The following GAREM1 variants were observed in gnomAD, a reference collection of about 807,000 sequenced individuals.
GAREM1 encodes the protein GRB2-associated and regulator of MAPK protein 1.
In GAREM1, 26 loss-of-function variants were observed where a neutral mutation model predicts 71.3. The observed-to-expected ratio is 0.36, with a 90% confidence interval of 0.27 to 0.51. The LOEUF is 0.51. Ranked by LOEUF, GAREM1 falls within the 20% of genes least tolerant of loss-of-function variation. The pLI is 0.95. For missense variants in GAREM1, 1,026 were observed against 1,103.1 expected (o/e 0.93, Z 0.99); for synonymous variants, 440 against 433.2 (o/e 1.02, Z -0.20).
At chr18:32,270,897 GT>G (rs58914123) in intron 4 of GAREM1, among the ~76,000 whole-genome samples, 17,743 of 91,496 alleles carry the variant, frequency 0.19, 419 homozygotes, top group African/African-American at 0.25. Context: ...GTTCAGGGAT[GT>G]TTTTTTTTTT....
chr18:32,421,832 ACCTTCCCAAG>A (rs1237465471), intron 1 of GAREM1, among the ~76,000 whole-genome samples: 1 of 151,750 alleles, frequency 6.6e-6, no homozygotes, highest in Non-Finnish European at 1.5e-5. Flanking sequence ...TCCACACAAA[ACCTTCCCAAG>A]CTAGACACAA....
At chr18:32,432,126 A>G (rs982743714) in intron 1 of GAREM1, among the ~76,000 whole-genome samples, 10 of 152,190 alleles carry the variant, frequency 6.6e-5, no homozygotes, top group Non-Finnish European at 1.0e-4. Flanking sequence ...ATGAAGGAAG[A>G]ATAATAGAAA....
intron 1 of GAREM1, among the ~76,000 whole-genome samples, chr18:32,404,268 C>T (rs1160788907): frequency 6.6e-6 from 1 of 152,050 alleles, no homozygotes; most frequent in East Asian, 1.9e-4. Context: ...CTATTAAATG[C>T]TTTTTTATTT....
chr18:32,456,820 ATGAG>A (rs1427822015), intron 1 of GAREM1, among the ~76,000 whole-genome samples: 3 of 152,160 alleles, frequency 2.0e-5, no homozygotes, highest in African/African-American at 7.2e-5. Context: ...CAATAAAAGA[ATGAG>A]TATTTTCACA....
intron 1 of GAREM1, among the ~76,000 whole-genome samples, chr18:32,446,068 G>A (rs758809657): frequency 6.6e-6 from 1 of 152,124 alleles, no homozygotes; most frequent in African/African-American, 2.4e-5. Context: ...TGGGGACATT[G>A]AAACAATGAT....
At chr18:32,336,429 CAAA>C (rs35803922) in intron 2 of GAREM1, among the ~76,000 whole-genome samples, 3,047 of 72,782 alleles carry the variant, frequency 0.042, 80 homozygotes, top group African/African-American at 0.11. Flanking sequence ...GACTCCGTCT[CAAA>C]AAAAAAAAAA....
At chr18:32,399,201 T>C (rs1011469923) in intron 1 of GAREM1, among the ~76,000 whole-genome samples, 4 of 152,108 alleles carry the variant, frequency 2.6e-5, no homozygotes, top group Non-Finnish European at 5.9e-5. Context: ...ATGACAAACC[T>C]ACAGCCAATA....
At chr18:32,407,573 T>C (rs755259793) in intron 1 of GAREM1, among the ~76,000 whole-genome samples, 1 of 152,228 alleles carries the variant, frequency 6.6e-6, no homozygotes, top group Admixed American at 6.5e-5. Flanking sequence ...ACTTGCCTAA[T>C]AGCCCTAGCT....
chr18:32,427,203 T>C (rs1031160224), intron 1 of GAREM1, among the ~76,000 whole-genome samples: 4 of 152,308 alleles, frequency 2.6e-5, no homozygotes, highest in Middle Eastern at 3.4e-3. Flanking sequence ...TAGGGACTTT[T>C]CACTGGGGAA....
chr18:32,394,860 G>A (rs1465604610), intron 1 of GAREM1, among the ~76,000 whole-genome samples: 6 of 152,142 alleles, frequency 3.9e-5, no homozygotes, highest in Admixed American at 6.5e-5. Flanking sequence ...TCTTGGGCAC[G>A]AACCTCCTTC....
intron 3 of GAREM1, among the ~76,000 whole-genome samples, chr18:32,301,503 A>G (rs1303898355): frequency 6.7e-6 from 1 of 148,878 alleles, no homozygotes; most frequent in Admixed American, 6.6e-5. Flanking sequence ...TGGAGGTCAC[A>G]CATGTGCTCT....
intron 4 of GAREM1, among the ~76,000 whole-genome samples, chr18:32,281,654 A>T (rs1426179869): frequency 6.6e-6 from 1 of 152,204 alleles, no homozygotes; most frequent in Non-Finnish European, 1.5e-5. Flanking sequence ...CACTATCCAT[A>T]AGGGAATGTG....
At chr18:32,399,416 GA>G (rs1258877465) in intron 1 of GAREM1, among the ~76,000 whole-genome samples, 1 of 152,100 alleles carries the variant, frequency 6.6e-6, no homozygotes, top group Non-Finnish European at 1.5e-5. Flanking sequence ...TGTATATTTA[GA>G]AAACCCCATC....
intron 1 of GAREM1, among the ~76,000 whole-genome samples, chr18:32,466,225 A>C (rs1287404224): frequency 6.6e-6 from 1 of 152,140 alleles, no homozygotes; most frequent in Non-Finnish European, 1.5e-5. Context: ...GAATACTTTC[A>C]AGCATAAAAA....
intron 3 of GAREM1, among the ~76,000 whole-genome samples, chr18:32,302,296 G>A (rs1413764204): frequency 6.6e-6 from 1 of 152,148 alleles, no homozygotes; most frequent in Non-Finnish European, 1.5e-5. Flanking sequence ...ATTAGGCAAC[G>A]TCTAAGGGCC....
At chr18:32,328,093 G>T (rs1486295633) in intron 2 of GAREM1, among the ~76,000 whole-genome samples, 3 of 151,992 alleles carry the variant, frequency 2.0e-5, no homozygotes, top group Non-Finnish European at 4.4e-5. Flanking sequence ...AAATTTCAAA[G>T]ATATTTATTT....
intron 1 of GAREM1, among the ~76,000 whole-genome samples, chr18:32,397,057 A>G (rs1446709471): frequency 1.3e-5 from 2 of 151,538 alleles, no homozygotes; most frequent in African/African-American, 4.8e-5. Flanking sequence ...AGTCAAACTA[A>G]GATAAGTGAA....
intron 4 of GAREM1, among the ~76,000 whole-genome samples, chr18:32,281,842 G>T (rs1330256083): frequency 1.3e-5 from 2 of 152,132 alleles, no homozygotes; most frequent in African/African-American, 4.8e-5. Flanking sequence ...TGCCCAGATG[G>T]CCTGAAGTAA....
intron 1 of GAREM1, among the ~76,000 whole-genome samples, chr18:32,464,023 C>T (rs972133579): frequency 6.8e-6 from 1 of 147,710 alleles, no homozygotes; most frequent in African/African-American, 2.5e-5. Flanking sequence ...CGTGGTGGCT[C>T]ATGCCTGTAA....
Sources: allele counts gnomAD v4.1 joint callset (sites outside exome capture counted in the v4.1 genomes callset), GRCh38; gene constraint gnomAD v4.1.1; transcripts MANE v1.5; gene names NCBI Gene and HGNC (gene_info 2026-07-23, HGNC 2026-07-21).